The following MAGI2 variants were observed in gnomAD, a reference collection of about 807,000 sequenced individuals.
MAGI2 encodes the protein membrane-associated guanylate kinase, WW and PDZ domain-containing protein 2.
Under a neutral mutation model 133.3 loss-of-function variants are expected in MAGI2, and 35 were observed. That is an observed-to-expected ratio of 0.26 (90% CI 0.20 to 0.35). The LOEUF is 0.35. Among genes scored for constraint, MAGI2 ranks in the 10% least tolerant of loss-of-function variants. MAGI2 has a pLI of 1.00. For missense variants in MAGI2, 1,636 were observed against 1,863.4 expected (o/e 0.88, Z 2.25); for synonymous variants, 729 against 710.6 (o/e 1.03, Z -0.41).
intron 9 of MAGI2, among the ~76,000 whole-genome samples, chr7:78,267,540 A>T (rs1794139506): frequency 6.6e-6 from 1 of 152,164 alleles, no homozygotes; most frequent in African/African-American, 2.4e-5. Flanking sequence ...ATTGGGCCAT[A>T]TACACCAAGG....
intron 1 of MAGI2, among the ~76,000 whole-genome samples, chr7:79,327,112 A>G: frequency 6.6e-6 from 1 of 151,956 alleles, no homozygotes; most frequent in East Asian, 1.9e-4. Context: ...CCTGCTTTCA[A>G]CTCTTCTCAT....
intron 3 of MAGI2, among the ~76,000 whole-genome samples, chr7:78,568,549 T>G (rs1397182556): frequency 6.6e-6 from 1 of 152,184 alleles, no homozygotes; most frequent in South Asian, 2.1e-4. Context: ...ACACCTCTTA[T>G]CCGGTTTTAT....
chr7:79,112,273 A>C (rs751191762), intron 1 of MAGI2, among the ~76,000 whole-genome samples: 9 of 152,106 alleles, frequency 5.9e-5, no homozygotes, highest in Non-Finnish European at 1.3e-4. Flanking sequence ...CTCTGGTTTC[A>C]TTTTGGGGCA....
At chr7:78,852,955 A>C (rs1793269596) in intron 2 of MAGI2, among the ~76,000 whole-genome samples, 1 of 152,212 alleles carries the variant, frequency 6.6e-6, no homozygotes, top group Non-Finnish European at 1.5e-5. Flanking sequence ...AATCTTCAAT[A>C]CAAAGTTGCT....
At chr7:79,127,557 T>A (rs9801590) in intron 1 of MAGI2, among the ~76,000 whole-genome samples, 1 of 151,766 alleles carries the variant, frequency 6.6e-6, no homozygotes, top group Non-Finnish European at 1.5e-5. Context: ...CCAGTGATGA[T>A]GAGCATTTTT....
At chr7:79,249,224 A>T (rs1026921500) in intron 1 of MAGI2, among the ~76,000 whole-genome samples, 3 of 152,170 alleles carry the variant, frequency 2.0e-5, no homozygotes, top group Non-Finnish European at 2.9e-5. Flanking sequence ...AAAAAAGTAG[A>T]AGAACAATCT....
intron 2 of MAGI2, 164 bp downstream of exon 2, chr7:79,006,926 G>T (rs1807508614): frequency 1.9e-6 from 1 of 523,192 alleles, no homozygotes; most frequent in Non-Finnish European, 3.3e-6. Flanking sequence ...TACTACTGCA[G>T]TTATAAGCAT....
At chr7:78,977,584 A>C (rs1332302291) in intron 2 of MAGI2, among the ~76,000 whole-genome samples, 1 of 151,750 alleles carries the variant, frequency 6.6e-6, no homozygotes, top group African/African-American at 2.4e-5. Flanking sequence ...GAAATAAAAA[A>C]CTATAAAATT....
At chr7:79,323,187 C>T (rs939886873) in intron 1 of MAGI2, among the ~76,000 whole-genome samples, 14 of 152,118 alleles carry the variant, frequency 9.2e-5, no homozygotes, top group South Asian at 2.1e-4. Context: ...CAATTTTGAG[C>T]TCCTACTGTA....
intron 1 of MAGI2, among the ~76,000 whole-genome samples, chr7:79,103,837 C>G (rs945054788): frequency 6.6e-6 from 1 of 151,078 alleles, no homozygotes; most frequent in Non-Finnish European, 1.5e-5. Flanking sequence ...GTAGCTGGGA[C>G]TACAGGCGCC....
At chr7:78,283,760 T>G (rs1284807550) in intron 9 of MAGI2, among the ~76,000 whole-genome samples, 1 of 152,094 alleles carries the variant, frequency 6.6e-6, no homozygotes, top group Non-Finnish European at 1.5e-5. Context: ...TATTCCAAAG[T>G]GGTTACTGCT....
chr7:78,111,270 G>C (rs1425283123), intron 20 of MAGI2, among the ~76,000 whole-genome samples: 2 of 152,142 alleles, frequency 1.3e-5, no homozygotes, highest in Non-Finnish European at 2.9e-5. Flanking sequence ...GATCACAGCA[G>C]TGGTTTGTAA....
At chr7:78,464,717 A>G (rs1790434665) in intron 6 of MAGI2, among the ~76,000 whole-genome samples, 1 of 147,268 alleles carries the variant, frequency 6.8e-6, no homozygotes, top group African/African-American at 2.5e-5. Context: ...TACTTTTTTT[A>G]CAAAATAAGA....
intron 2 of MAGI2, among the ~76,000 whole-genome samples, chr7:78,991,185 C>A (rs1439092067): frequency 2.6e-5 from 4 of 151,922 alleles, no homozygotes; most frequent in Non-Finnish European, 4.4e-5. Flanking sequence ...CCTTTGCCTT[C>A]CACCGTGATT....
chr7:78,665,537 CTTTT>C (rs1813462085), intron 2 of MAGI2, among the ~76,000 whole-genome samples: 4 of 148,006 alleles, frequency 2.7e-5, no homozygotes, highest in African/African-American at 8.0e-5. Context: ...GCTTTAATTT[CTTTT>C]CTAATCTTTC....
intron 2 of MAGI2, among the ~76,000 whole-genome samples, chr7:78,738,711 A>G (rs906836582): frequency 1.3e-5 from 2 of 152,286 alleles, no homozygotes; most frequent in Non-Finnish European, 1.5e-5. Flanking sequence ...TTCAATATTG[A>G]GAATAAAATA....
intron 6 of MAGI2, among the ~76,000 whole-genome samples, chr7:78,429,432 A>G (rs62468801): frequency 0.16 from 25,065 of 151,978 alleles, 2,363 homozygotes; most frequent in Non-Finnish European, 0.22. Flanking sequence ...GGGGAGGTAG[A>G]ATTTCTCCAC....
intron 2 of MAGI2, among the ~76,000 whole-genome samples, chr7:78,779,542 C>T (rs1220646599): frequency 6.6e-6 from 1 of 152,070 alleles, no homozygotes; most frequent in East Asian, 1.9e-4. Context: ...AAGTTGGTAC[C>T]ACAGAATAGT....
At chr7:78,530,185 G>A (rs923787206) in intron 3 of MAGI2, among the ~76,000 whole-genome samples, 2 of 152,092 alleles carry the variant, frequency 1.3e-5, no homozygotes, top group Non-Finnish European at 2.9e-5. Context: ...AAATAACTGA[G>A]AAAACTGAGT....
Sources: gnomAD v4.1 joint callset for allele counts (sites outside exome capture counted in the v4.1 genomes callset) on GRCh38, gnomAD v4.1.1 for gene constraint, MANE v1.5 for transcripts, NCBI Gene and HGNC (gene_info 2026-07-23, HGNC 2026-07-21) for gene names.